Variants in SEMA5A observed in about 807,000 individuals in gnomAD.
The protein encoded by SEMA5A is semaphorin 5A, also known as semaphorin-5A.
Under a neutral mutation model 135.5 loss-of-function variants are expected in SEMA5A, and 55 were observed. The ratio of observed to expected loss-of-function variants is 0.41; its 90% CI spans 0.33 to 0.51. SEMA5A has a LOEUF of 0.51. Among genes scored for constraint, SEMA5A ranks in the 20% least tolerant of loss-of-function variants. SEMA5A has a pLI of 0.37. For missense variants in SEMA5A, 1,290 were observed against 1,419.9 expected (o/e 0.91, Z 1.47); for synonymous variants, 580 against 546.5 (o/e 1.06, Z -0.85).
chr5:9,467,017 C>G (rs1427819636), intron 1 of SEMA5A, among the ~76,000 whole-genome samples: 2 of 152,222 alleles, frequency 1.3e-5, no homozygotes, highest in African/African-American at 4.8e-5. Flanking sequence ...AATCATTGTC[C>G]AAACCAATAG....
At chr5:9,090,346 A>C (rs1240445676) in intron 16 of SEMA5A, among the ~76,000 whole-genome samples, 1 of 152,236 alleles carries the variant, frequency 6.6e-6, no homozygotes, top group East Asian at 1.9e-4. Flanking sequence ...CTGCTACAAA[A>C]GTCCTCGCTT....
At chr5:9,115,445 C>T (rs1368768893) in intron 15 of SEMA5A, among the ~76,000 whole-genome samples, 1 of 152,210 alleles carries the variant, frequency 6.6e-6, no homozygotes, top group Non-Finnish European at 1.5e-5. Context: ...TTCATAATTT[C>T]CATCACTCCA....
chr5:9,132,779 C>T (rs1438275594), intron 13 of SEMA5A, among the ~76,000 whole-genome samples: 1 of 152,202 alleles, frequency 6.6e-6, no homozygotes, highest in Non-Finnish European at 1.5e-5. Flanking sequence ...ATTCCTGTAA[C>T]TCTTATTGCA....
intron 5 of SEMA5A, among the ~76,000 whole-genome samples, chr5:9,285,636 T>C (rs1750761178): frequency 6.6e-6 from 1 of 152,248 alleles, no homozygotes; most frequent in Non-Finnish European, 1.5e-5. Context: ...CATCTGTTTC[T>C]AGATGCTTGA....
intron 1 of SEMA5A, among the ~76,000 whole-genome samples, chr5:9,448,628 C>G (rs948246875): frequency 6.6e-6 from 1 of 152,184 alleles, no homozygotes; most frequent in African/African-American, 2.4e-5. Flanking sequence ...CCTCGTGGTA[C>G]CTGTGAAGTT....
intron 11 of SEMA5A, among the ~76,000 whole-genome samples, chr5:9,182,638 C>A (rs991233678): frequency 5.3e-5 from 8 of 151,780 alleles, no homozygotes; most frequent in African/African-American, 1.5e-4. Context: ...TCACCTCCTC[C>A]TAGACCACCT....
At chr5:9,308,342 A>T (rs1751968191) in intron 5 of SEMA5A, among the ~76,000 whole-genome samples, 1 of 152,148 alleles carries the variant, frequency 6.6e-6, no homozygotes, top group Admixed American at 6.6e-5. Context: ...TGGCAGCCGA[A>T]GAACAAGGGA....
rs142129871 is a variant in SEMA5A, at chr5:9,220,949, A to G, written c.646+3725T>C. ...GGAGTTTAAGACTGCCGTCCTCAACAAAGTCAGCCAATAATGGAGGGCAAC... is the reference window on the plus strand; with the variant it reads ...GGAGTTTAAGACTGCCGTCCTCAACGAAGTCAGCCAATAATGGAGGGCAAC... On this transcript the variant is annotated intron_variant, in intron 8 of 22. Transcript: ENST00000382496. Among the ~76,000 whole-genome samples the G allele has an allele frequency of 5.9e-3, 897 of 152,276 alleles. 10 individuals carry two copies. The highest frequency in any genetic ancestry group is 0.021 in the African/African-American group (853 of 41,558).
intron 8 of SEMA5A, among the ~76,000 whole-genome samples, chr5:9,205,342 A>T (rs1480152332): frequency 9.4e-6 from 1 of 106,930 alleles, no homozygotes; most frequent in East Asian, 2.8e-4. Flanking sequence ...GAAAAAGTGG[A>T]AGAAGAAACA....
intron 5 of SEMA5A, among the ~76,000 whole-genome samples, chr5:9,241,882 C>T (rs1219335243): frequency 2.6e-5 from 4 of 152,162 alleles, no homozygotes; most frequent in African/African-American, 9.7e-5. Flanking sequence ...CCAGCAAAGG[C>T]AGACACTTCA....
intron 3 of SEMA5A, among the ~76,000 whole-genome samples, chr5:9,349,689 C>A (rs1386410184): frequency 6.6e-6 from 1 of 152,034 alleles, no homozygotes; most frequent in African/African-American, 2.4e-5. Context: ...CACTTGAGGT[C>A]AGGAGATCAA....
At chr5:9,287,903 T>C (rs1052438093) in intron 5 of SEMA5A, among the ~76,000 whole-genome samples, 1 of 150,388 alleles carries the variant, frequency 6.6e-6, no homozygotes, top group African/African-American at 2.4e-5. Context: ...TAAAATGTCA[T>C]CATGTTCAAC....
chr5:9,105,772 T>A (rs928890922), intron 16 of SEMA5A, among the ~76,000 whole-genome samples: 2 of 152,174 alleles, frequency 1.3e-5, no homozygotes, highest in African/African-American at 4.8e-5. Context: ...AATCAATACT[T>A]TTTTTATACT....
intron 6 of SEMA5A, 140 bp from the exon 7 acceptor site, chr5:9,227,107 T>C (rs923869899): frequency 1.4e-5 from 5 of 348,028 alleles, no homozygotes; most frequent in South Asian, 1.3e-4. Flanking sequence ...TAATAAAATG[T>C]AAACCATTAA....
intron 1 of SEMA5A, among the ~76,000 whole-genome samples, chr5:9,493,320 T>C (rs557951982): frequency 4.6e-5 from 7 of 151,258 alleles, no homozygotes; most frequent in African/African-American, 1.7e-4. Flanking sequence ...ACATTATATA[T>C]ATATAAGCAT....
At chr5:9,192,471 C>T (rs929851863) in intron 10 of SEMA5A, among the ~76,000 whole-genome samples, 2 of 151,978 alleles carry the variant, frequency 1.3e-5, no homozygotes, top group Admixed American at 6.5e-5. Flanking sequence ...GGTCTTGGAG[C>T]AGGACAGCAA....
At chr5:9,244,955 T>G (rs1748409029) in intron 5 of SEMA5A, among the ~76,000 whole-genome samples, 1 of 152,216 alleles carries the variant, frequency 6.6e-6, no homozygotes, top group South Asian at 2.1e-4. Context: ...ACAAAGATTT[T>G]ACTACTTTTT....
At chr5:9,197,003 T>C (rs1043252877) in intron 10 of SEMA5A, among the ~76,000 whole-genome samples, 165 bp downstream of exon 10, 1 of 152,152 alleles carries the variant, frequency 6.6e-6, no homozygotes, top group Non-Finnish European at 1.5e-5. Flanking sequence ...AAGGCCTTGG[T>C]CTATTGACAT....
chr5:9,486,824 G>A (rs1476865573), intron 1 of SEMA5A, among the ~76,000 whole-genome samples: 1 of 152,144 alleles, frequency 6.6e-6, no homozygotes, highest in African/African-American at 2.4e-5. Context: ...CTTTACCTAT[G>A]ATAATCTGCT....
Sources: allele counts gnomAD v4.1 joint callset (sites outside exome capture counted in the v4.1 genomes callset), GRCh38; gene constraint gnomAD v4.1.1; transcripts MANE v1.5; gene names NCBI Gene and HGNC (gene_info 2026-07-23, HGNC 2026-07-21).